Variants in TSPAN5 observed in about 807,000 individuals in gnomAD.
TSPAN5 encodes tetraspanin 5.
In TSPAN5, 10 loss-of-function variants were observed where a neutral mutation model predicts 37.1. The ratio of observed to expected loss-of-function variants is 0.27; its 90% CI spans 0.17 to 0.46. The LOEUF is 0.46. TSPAN5 is among the 20% of genes least tolerant of loss of function. TSPAN5 has a pLI of 1.00. For missense variants in TSPAN5, 195 were observed against 326.6 expected (o/e 0.60, Z 3.11); for synonymous variants, 110 against 118.9 (o/e 0.93, Z 0.48).
intron 2 of TSPAN5, among the ~76,000 whole-genome samples, chr4:98,490,120 GC>G (rs1379613249): frequency 6.6e-6 from 1 of 152,128 alleles, no homozygotes; most frequent in Non-Finnish European, 1.5e-5. Flanking sequence ...TTTTTAATGG[GC>G]TTTTTAGTTG....
At chr4:98,503,878 G>T (rs1455318681) in intron 2 of TSPAN5, among the ~76,000 whole-genome samples, 1 of 152,176 alleles carries the variant, frequency 6.6e-6, no homozygotes, top group East Asian at 1.9e-4. Flanking sequence ...GGTGATTCAT[G>T]TCACATAATT....
chr4:98,612,441 TTAAAC>T (rs1256745901), intron 1 of TSPAN5, among the ~76,000 whole-genome samples: 2 of 152,204 alleles, frequency 1.3e-5, no homozygotes, highest in Non-Finnish European at 2.9e-5. Flanking sequence ...ATTCTTTTGC[TTAAAC>T]TAATCTTTCA....
At chr4:98,488,551 T>C (rs888544913) in intron 2 of TSPAN5, among the ~76,000 whole-genome samples, 1 of 152,248 alleles carries the variant, frequency 6.6e-6, no homozygotes, top group African/African-American at 2.4e-5. Flanking sequence ...CATTAACTTC[T>C]GAGGTGACAT....
intron 1 of TSPAN5, among the ~76,000 whole-genome samples, chr4:98,588,739 A>C (rs897101820): frequency 1.2e-4 from 19 of 152,208 alleles, no homozygotes; most frequent in African/African-American, 4.3e-4. Flanking sequence ...AACTTCACCA[A>C]AGAGAAATTT....
intron 1 of TSPAN5, among the ~76,000 whole-genome samples, chr4:98,528,274 ATTAT>A (rs1488522848): frequency 5.3e-5 from 8 of 152,216 alleles, no homozygotes; most frequent in South Asian, 2.1e-4. Context: ...GACATAAGTT[ATTAT>A]TTATTAAAAT....
chr4:98,559,851 G>A (rs1205357368), intron 1 of TSPAN5, among the ~76,000 whole-genome samples: 2 of 152,158 alleles, frequency 1.3e-5, no homozygotes, highest in Non-Finnish European at 2.9e-5. Flanking sequence ...CCAGCAAGCA[G>A]ACTTAGTTAT....
chr4:98,590,689 G>A (rs1446571253), intron 1 of TSPAN5, among the ~76,000 whole-genome samples: 1 of 148,948 alleles, frequency 6.7e-6, no homozygotes, highest in Non-Finnish European at 1.5e-5. Flanking sequence ...CAGCCTGGGC[G>A]ACAGAGCGAG....
chr4:98,556,629 T>G (rs1754757994), intron 1 of TSPAN5, among the ~76,000 whole-genome samples: 1 of 152,216 alleles, frequency 6.6e-6, no homozygotes, highest in Admixed American at 6.5e-5. Context: ...TTACTACTTA[T>G]TCATTCATTT....
chr4:98,534,371 G>C (rs1290894852), intron 1 of TSPAN5, among the ~76,000 whole-genome samples: 1 of 152,158 alleles, frequency 6.6e-6, no homozygotes, highest in Non-Finnish European at 1.5e-5. Context: ...CTGCACTGTG[G>C]TCTGACAGAC....
At chr4:98,559,719 T>C (rs1754836564) in intron 1 of TSPAN5, among the ~76,000 whole-genome samples, 1 of 152,206 alleles carries the variant, frequency 6.6e-6, no homozygotes, top group African/African-American at 2.4e-5. Context: ...TGAACATTTT[T>C]AGCCCCTGTA....
rs1206905041 is a variant in TSPAN5, at chr4:98,556,058, C to T, written c.82-48330G>A. Among the ~76,000 whole-genome samples, 4 of 136,554 alleles carry T rather than the reference C, an allele frequency of 2.9e-5. 1 individual carries two copies. The highest frequency in any genetic ancestry group is 6.2e-5 in the Non-Finnish European group (4 of 64,144). The allele number at this position is 136,554 out of a possible 152,430, so 89.6% of individuals were successfully genotyped here. A position where few individuals can be genotyped will look rare whatever the true frequency, so the allele number is the denominator to read the frequency against. On this transcript the variant is annotated intron_variant, in intron 1 of 7. Transcript: ENST00000305798. ...CAGCACCCCCACACACACACACACACACACACAGGTAGGAATGGCTCTTCA... is the reference window on the plus strand; with the variant it reads ...CAGCACCCCCACACACACACACACATACACACAGGTAGGAATGGCTCTTCA...
At chr4:98,540,986 C>G (rs147780416) in intron 1 of TSPAN5, among the ~76,000 whole-genome samples, 1 of 152,160 alleles carries the variant, frequency 6.6e-6, no homozygotes, top group Non-Finnish European at 1.5e-5. Context: ...ATAAAGAACA[C>G]GGGCCTTAGC....
chr4:98,506,994 G>A (rs563877932), intron 2 of TSPAN5, among the ~76,000 whole-genome samples: 2 of 152,248 alleles, frequency 1.3e-5, no homozygotes, highest in Non-Finnish European at 2.9e-5. Flanking sequence ...GTGGACACAG[G>A]GGGTGTCTGC....
chr4:98,546,493 A>ATATAAGGG (rs1257817860), intron 1 of TSPAN5, among the ~76,000 whole-genome samples: 7 of 152,216 alleles, frequency 4.6e-5, no homozygotes, highest in Non-Finnish European at 8.8e-5. Flanking sequence ...AAAATATCAG[A>ATATAAGGG]CTATGGTATA....
In TSPAN5 at chr4:98,471,875, C is replaced by G. The variant is rs1016605950; in HGVS notation, c.*647G>C. On this transcript the variant is annotated 3_prime_UTR_variant, in exon 8 of 8. Coordinates refer to ENST00000305798, the MANE Select transcript of TSPAN5 (RefSeq NM_005723.4). ...CATGACGTCTTCCAATGCCCTTGCT[C>G]GGTGCACATGAAATACACAACTTCT... The G allele has an allele frequency of 6.6e-6, 1 of 152,226 alleles. No individual in the cohort carries two copies. Among genetic ancestry groups the G allele is most frequent in the African/African-American group, 2.4e-5 (1 of 41,458 alleles). 9.4% of individuals were successfully genotyped at this position (152,226 alleles called of 1,614,324 possible).
chr4:98,554,300 C>T (rs1425118883), intron 1 of TSPAN5, among the ~76,000 whole-genome samples: 2 of 152,090 alleles, frequency 1.3e-5, no homozygotes, highest in Non-Finnish European at 2.9e-5. Flanking sequence ...AACTTTTTAG[C>T]GGTGTTTTTA....
At chr4:98,507,610 A>C (rs986427452) in intron 2 of TSPAN5, 68 bp downstream of exon 2, 3 of 1,186,138 alleles carry the variant, frequency 2.5e-6, no homozygotes, top group Non-Finnish European at 3.6e-6. Flanking sequence ...AGAAAGGGGG[A>C]TAATACATAA....
chr4:98,498,350 C>G (rs565800395), intron 2 of TSPAN5, among the ~76,000 whole-genome samples: 2 of 152,296 alleles, frequency 1.3e-5, no homozygotes, highest in South Asian at 4.2e-4. Flanking sequence ...GGGGTAGCAG[C>G]TGGCAGGAGG....
chr4:98,646,923 G>A (rs1330746885), intron 1 of TSPAN5, among the ~76,000 whole-genome samples: 1 of 152,090 alleles, frequency 6.6e-6, no homozygotes, highest in Non-Finnish European at 1.5e-5. Context: ...CGAGATAGAC[G>A]TTATCTTAAT....
Sources: allele counts gnomAD v4.1 joint callset (sites outside exome capture counted in the v4.1 genomes callset), GRCh38; gene constraint gnomAD v4.1.1; transcripts MANE v1.5; gene names NCBI Gene and HGNC (gene_info 2026-07-23, HGNC 2026-07-21).